LRRC43: variants seen among roughly 807,000 people sequenced by gnomAD.
The protein encoded by LRRC43 is leucine rich repeat containing 43, also known as leucine-rich repeat-containing protein 43.
A neutral mutation model predicts 64.3 loss-of-function variants in LRRC43; 62 were observed. That is an observed-to-expected ratio of 0.96 (90% CI 0.79 to 1.19). LRRC43 has a LOEUF of 1.19. Among genes scored for constraint, LRRC43 ranks in the 50% most tolerant of loss-of-function variants. The pLI is 0.00. For missense variants in LRRC43, 868 were observed against 845.0 expected, an observed-to-expected ratio of 1.03 and a Z score of -0.34; for synonymous variants, 422 against 382.3, an observed-to-expected ratio of 1.10 and a Z score of -1.21.
intron 1 of LRRC43, chr12:122,173,818 A>G (rs781360722): frequency 6.2e-7 from 1 of 1,603,706 alleles, no homozygotes; most frequent in East Asian, 2.2e-5. Flanking sequence ...GAAATCGTTT[A>G]GAAAAGAAAT....
chr12:122,183,047 G>A (rs1401449331), upstream of LRRC43: 3 of 1,454,706 alleles, frequency 2.1e-6, no homozygotes, highest in Non-Finnish European at 2.7e-6. Context: ...GTCTGATCCG[G>A]ATGGGGGACT....
Position 122,200,145 on chromosome 12 carries a change from C to A in LRRC43, c.1350-44C>A. On this transcript the variant is annotated intron_variant, in intron 7 of 11. Coordinates refer to ENST00000339777, the MANE Select transcript of LRRC43 (RefSeq NM_001098519.2). This position sits in a 1 kb window ranked among gnomAD's most constrained non-coding sequence, Gnocchi z 4.6. ...TCCTGTCCCGGGTCCCTGGCCACAGCCCCTGGGTGACGGCACCCCCGTCTT... is the reference window on the plus strand; with the variant it reads ...TCCTGTCCCGGGTCCCTGGCCACAGACCCTGGGTGACGGCACCCCCGTCTT... 1.2e-6 allele frequency: 2 copies of A among 1,600,118 alleles called. No individual in the cohort carries two copies. Among genetic ancestry groups the A allele is most frequent in the Non-Finnish European group, 8.5e-7 (1 of 1,172,598 alleles).
At chr12:122,178,057 T>A (rs1269193721) in intron 1 of LRRC43, among the ~76,000 whole-genome samples, 2 of 151,862 alleles carry the variant, frequency 1.3e-5, no homozygotes, top group South Asian at 4.2e-4. Flanking sequence ...AGGCTGGTCT[T>A]GAACTCCTGA....
upstream of LRRC43, among the ~76,000 whole-genome samples, chr12:122,180,831 C>T (rs1953575163): frequency 6.6e-6 from 1 of 152,190 alleles, no homozygotes; most frequent in Admixed American, 6.5e-5. Flanking sequence ...TGCACATTGT[C>T]CATCTGTTGC....
intron 7 of LRRC43, among the ~76,000 whole-genome samples, chr12:122,194,831 A>C (rs144736398): frequency 1.3e-5 from 2 of 152,240 alleles, no homozygotes; most frequent in South Asian, 2.1e-4. Context: ...TCATGTTGTT[A>C]TGGTCAAATA....
chr12:122,182,897 G>C (rs1342483385), upstream of LRRC43: 5 of 537,264 alleles, frequency 9.3e-6, no homozygotes, highest in Admixed American at 1.2e-4. Flanking sequence ...TTTCCGTGGG[G>C]AGTGCTTGAC....
chr12:122,181,373 C>T (rs1397163048), upstream of LRRC43, among the ~76,000 whole-genome samples: 2 of 151,226 alleles, frequency 1.3e-5, no homozygotes, highest in Admixed American at 1.3e-4. Context: ...GAAACCCCGT[C>T]TCTACTAAAA....
chr12:122,201,175 C>T, intron 10 of LRRC43, 121 bp from the exon 11 acceptor site: 1 of 1,134,538 alleles, frequency 8.8e-7, no homozygotes, highest in Non-Finnish European at 1.3e-6. Flanking sequence ...CCACCCTCAC[C>T]AGGAGACCCC....
chr12:122,194,970 A>C (rs987258007), intron 7 of LRRC43, among the ~76,000 whole-genome samples: 1 of 152,200 alleles, frequency 6.6e-6, no homozygotes, highest in African/African-American at 2.4e-5. Context: ...ATTTGCCTAC[A>C]TGATTACCTT....
In LRRC43 at chr12:122,191,551, C is replaced by T. The variant is rs748128542; in HGVS notation, c.1073C>T (p.Ala358Val). The T allele has an allele frequency of 3.3e-5, 54 of 1,613,760 alleles. 2 individuals carry two copies. The highest frequency in any genetic ancestry group is 2.4e-4 in the South Asian group (22 of 91,052). Residue 358 changes from alanine (A) to valine (V), a missense_variant, in exon 6 of 12, where the codon GCG becomes GTG. By Grantham distance (64) the Ala-to-Val change is moderately conservative (BLOSUM62 0). Transcript: ENST00000339777. ...KDEEGEMNESAGVLAEIVKPS... is the reference protein window; with the variant it reads ...KDEEGEMNESVGVLAEIVKPS... ...GAAGAAGGCGAAATGAATGAGTCCG[C>T]GGGCGTCCTGGCCGAGGTGTGCCCT...
At chr12:122,174,749 A>T (rs1302318062) in intron 1 of LRRC43, among the ~76,000 whole-genome samples, 1 of 152,062 alleles carries the variant, frequency 6.6e-6, no homozygotes, top group Non-Finnish European at 1.5e-5. Flanking sequence ...CTTGGACATC[A>T]CTGGACTCTC....
upstream of LRRC43, chr12:122,183,065 C>T (rs948704294): frequency 5.4e-6 from 8 of 1,472,746 alleles, no homozygotes; most frequent in African/African-American, 1.2e-4. Flanking sequence ...ACTTTTCCCT[C>T]GGGGCAGGTG....
chr12:122,195,790 T>C (rs1953768201), intron 7 of LRRC43, among the ~76,000 whole-genome samples: 1 of 152,210 alleles, frequency 6.6e-6, no homozygotes, highest in African/African-American at 2.4e-5. Context: ...TTAAATCAAA[T>C]TTTGGAAGTT....
At chr12:122,198,612 G>A in intron 7 of LRRC43, among the ~76,000 whole-genome samples, 1 of 146,868 alleles carries the variant, frequency 6.8e-6, no homozygotes, top group South Asian at 2.1e-4. Context: ...ATAAGTATCA[G>A]TGCTTCATTC....
intron 4 of LRRC43, among the ~76,000 whole-genome samples, chr12:122,188,247 C>T (rs1430448632): frequency 2.0e-5 from 3 of 152,038 alleles, no homozygotes; most frequent in Non-Finnish European, 4.4e-5. Flanking sequence ...GCTGGGACTA[C>T]AGGCACCCGC....
At chr12:122,201,365 G>C (rs1439670588) in intron 11 of LRRC43, 36 bp downstream of exon 11, 3 of 1,608,414 alleles carry the variant, frequency 1.9e-6, no homozygotes, top group Non-Finnish European at 2.6e-6. Flanking sequence ...GGCAGGGATT[G>C]TCAGGAGGAC....
At chr12:122,193,158 A>C (rs1309290298) in intron 7 of LRRC43, among the ~76,000 whole-genome samples, 154 bp downstream of exon 7, 3 of 151,780 alleles carry the variant, frequency 2.0e-5, no homozygotes, top group Admixed American at 1.3e-4. Flanking sequence ...AGGCGGGCGG[A>C]TCACGAGGTC....
chr12:122,200,797 G>C lies in LRRC43; in HGVS notation c.1672G>C (p.Asp558His). 6.2e-7 allele frequency: 1 copy of C among 1,612,960 alleles called. No homozygotes were observed. Among genetic ancestry groups the C allele is most frequent in the Non-Finnish European group, 8.5e-7 (1 of 1,180,006 alleles). ...AGAGCCGCCCAAGGAGCTCCGGCAG[G>C]ACCCCCCCATCCTCCAGGTGCTGGG... ...KKEPPKELRQDPPILQVLGRG... is the reference protein window; with the variant it reads ...KKEPPKELRQHPPILQVLGRG... The change falls in exon 10 of 12, where the codon GAC becomes CAC. Residue 558 changes from aspartate to histidine, a missense_variant. Transcript: ENST00000339777. The surrounding 1 kb of genome is among the most constrained non-coding windows in gnomAD (Gnocchi z 4.6).
intron 4 of LRRC43, among the ~76,000 whole-genome samples, chr12:122,188,428 T>C (rs1013868082): frequency 2.0e-5 from 3 of 150,834 alleles, no homozygotes; most frequent in Admixed American, 1.3e-4. Context: ...TTTTAATTTT[T>C]TTATTTTAAT....
Sources: allele counts gnomAD v4.1 joint callset (sites outside exome capture counted in the v4.1 genomes callset), GRCh38; gene constraint gnomAD v4.1.1; non-coding constraint Gnocchi (gnomAD v3.1); transcripts MANE v1.5; gene names NCBI Gene and HGNC (gene_info 2026-07-23, HGNC 2026-07-21).